Variants in AP2A1 observed in about 807,000 individuals in gnomAD.
AP2A1 encodes the protein adaptor related protein complex 2 subunit alpha 1, also known as AP-2 complex subunit alpha-1.
AP2A1 carries 21 observed loss-of-function variants against 107.3 expected under a neutral mutation model. The ratio of observed to expected loss-of-function variants is 0.20; its 90% confidence interval spans 0.14 to 0.28. The LOEUF is 0.28. Ranked by LOEUF, AP2A1 falls within the 10% of genes least tolerant of loss-of-function variation. AP2A1 has a pLI of 1.00. For synonymous variants in AP2A1, 602 were observed against 564.8 expected (o/e 1.07, Z -0.93); for missense variants, 873 against 1,307.7 (o/e 0.67, Z 5.13).
At chr19:49,802,820 C>A in intron 15 of AP2A1, 129 bp from the exon 16 acceptor site, 3 of 1,179,514 alleles carry the variant, frequency 2.5e-6, no homozygotes, top group Non-Finnish European at 2.4e-6. Context: ...TTCCTCGAGG[C>A]TCTGTGAGGG....
intron 5 of AP2A1, 149 bp from the exon 6 acceptor site, chr19:49,792,842 C>G: frequency 1.4e-6 from 1 of 710,434 alleles, no homozygotes; most frequent in Non-Finnish European, 2.4e-6. Context: ...TCACCCCACC[C>G]CTAAAGCACG....
At position 49,789,955 on chromosome 19, in the gene AP2A1, G is replaced by A. The variant is rs1023510495; in HGVS notation, c.474-1980G>A. Among the ~76,000 whole-genome samples, 6 of 152,294 alleles carry A rather than the reference G, an allele frequency of 3.9e-5. 1 individual carries two copies. The highest frequency in any genetic ancestry group is 3.3e-4 in the Admixed American group (5 of 15,300). On this transcript the variant is annotated intron_variant, in intron 4 of 22. Coordinates refer to ENST00000354293, the MANE Select transcript of AP2A1 (RefSeq NM_130787.3). ...GTGCTAGGAGCTGGGTTATGGTTGG[G>A]GCCTGGAGTCAGCCCTCTGAGATGG...
chr19:49,776,482 G>A (rs1461436388), intron 1 of AP2A1, among the ~76,000 whole-genome samples: 1 of 152,156 alleles, frequency 6.6e-6, no homozygotes, highest in African/African-American at 2.4e-5. Flanking sequence ...GTCCCTGTCT[G>A]CCACCACTCC....
chr19:49,795,829 G>T, intron 7 of AP2A1, 91 bp downstream of exon 7: 1 of 1,007,140 alleles, frequency 9.9e-7, no homozygotes, highest in Non-Finnish European at 1.5e-6. Context: ...TGGGACTGGA[G>T]GGTCTGGGTC....
intron 4 of AP2A1, among the ~76,000 whole-genome samples, chr19:49,789,140 G>A (rs1355699610): frequency 6.6e-6 from 1 of 152,124 alleles, no homozygotes; most frequent in Non-Finnish European, 1.5e-5. Context: ...GACTCGTGCA[G>A]GTCTCCCCTC....
At chr19:49,778,120 A>C (rs531046022) in intron 1 of AP2A1, among the ~76,000 whole-genome samples, 2 of 152,342 alleles carry the variant, frequency 1.3e-5, no homozygotes, top group Non-Finnish European at 2.9e-5. Context: ...TTCAAGTACA[A>C]TTGAGTGAAT....
chr19:49,781,425 G>A (rs142936725), intron 1 of AP2A1, among the ~76,000 whole-genome samples: 145 of 152,228 alleles, frequency 9.5e-4, no homozygotes, highest in African/African-American at 3.2e-3. Context: ...CATGTTCATC[G>A]CATGTGGGGA....
chr19:49,800,190 G>A (rs751157666), intron 11 of AP2A1, 40 bp downstream of exon 11: 2 of 1,566,484 alleles, frequency 1.3e-6, no homozygotes, highest in South Asian at 2.3e-5. Flanking sequence ...CCCACGACAG[G>A]ACCTAGAGGC....
At chr19:49,806,050 G>C (rs2073374084) in intron 21 of AP2A1, 69 bp from the exon 22 acceptor site, 20 of 1,603,720 alleles carry the variant, frequency 1.2e-5, no homozygotes, top group Non-Finnish European at 1.4e-5. Flanking sequence ...GGTTTTTTGG[G>C]ATCTGGGATG....
chr19:49,802,036 C>A lies in AP2A1; in HGVS notation c.2009C>A (p.Ala670Glu). 1 of 1,571,388 alleles carries A rather than the reference C, an allele frequency of 6.4e-7. No individual in the cohort carries two copies. Among genetic ancestry groups the A allele is most frequent in the Admixed American group, 1.8e-5 (1 of 54,854 alleles). ...LLGLRAAPPPAAPPASAGAGN... is the reference protein window; with the variant it reads ...LLGLRAAPPPEAPPASAGAGN... ...GGGCTGCGGGCAGCCCCTCCCCCGG[C>A]AGCACCCCCGGCTTCTGCAGGAGCA... The change falls in exon 15 of 23, where the codon GCA becomes GAA. Residue 670 changes from alanine to glutamate, a missense_variant. By Grantham distance (107) the Ala-to-Glu change is moderately radical (BLOSUM62 -1). Around this residue, in one of 4 missense-constraint regions of AP2A1, gnomAD observed 416 missense variants for 473.4 expected, o/e 0.88. Coordinates refer to ENST00000354293, the MANE Select transcript of AP2A1 (RefSeq NM_130787.3).
chr19:49,782,479 G>A lies in AP2A1; in HGVS notation c.280-52G>A, dbSNP rs562289484. 1.5e-4 allele frequency: 237 copies of A among 1,565,570 alleles called. No homozygotes were observed. In the African/African-American group the frequency reaches 3.0e-3, roughly 20 times the overall value. ...ACTCCTGGGTCTGAGGGTTGGATCT[G>A]GGGCCACTCAGTCACAAGGCTCCTA... On this transcript the variant is annotated intron_variant, in intron 3 of 22. Transcript: ENST00000354293.
intron 11 of AP2A1, 59 bp from the exon 12 acceptor site, chr19:49,800,902 C>T: frequency 1.4e-6 from 2 of 1,449,258 alleles, no homozygotes; most frequent in East Asian, 4.9e-5. Flanking sequence ...GCTGCACCCA[C>T]CGATCCCGGA....
At chr19:49,802,738 G>T (rs1386293985) in intron 15 of AP2A1, 4 of 1,067,636 alleles carry the variant, frequency 3.7e-6, no homozygotes, top group Non-Finnish European at 5.3e-6. Context: ...AGGGAAACTT[G>T]GTGTCTGCCG....
intron 18 of AP2A1, chr19:49,803,757 CTT>C: frequency 9.2e-6 from 3 of 324,922 alleles, no homozygotes; most frequent in South Asian, 8.2e-5. Flanking sequence ...GGCTGAGTCA[CTT>C]TGCCTCTCTG....
chr19:49,772,969 G>A (rs2084580234), intron 1 of AP2A1, among the ~76,000 whole-genome samples: 1 of 151,828 alleles, frequency 6.6e-6, no homozygotes, highest in Admixed American at 6.6e-5. Flanking sequence ...CAGGAGCGAG[G>A]GAAGAGAAGG....
chr19:49,783,915 G>T (rs534925378), intron 4 of AP2A1, among the ~76,000 whole-genome samples: 2 of 152,340 alleles, frequency 1.3e-5, no homozygotes, highest in South Asian at 4.1e-4. Flanking sequence ...CCCTATCTGG[G>T]TAGTCCAAAA....
rs531464148 is a variant in AP2A1 at position 49,806,609 on chromosome 19, T to C, written c.2791-72T>C. 14 of 1,599,612 alleles carry C rather than the reference T, an allele frequency of 8.8e-6. No individual in the cohort carries two copies. In the Admixed American group the frequency reaches 1.5e-4, roughly 18 times the overall value. The stretch of plus-strand genomic sequence containing the variant: ...TGGCCCCTTTATCCTTCCTTCCTTC[T>C]ATCTCCCTTGGGTCCCGACTTCCCT... On this transcript the variant is annotated intron_variant, in intron 22 of 22. Transcript: ENST00000354293.
intron 3 of AP2A1, 111 bp from the exon 4 acceptor site, chr19:49,782,420 G>T (rs2084688458): frequency 4.1e-6 from 5 of 1,232,424 alleles, no homozygotes; most frequent in Non-Finnish European, 5.6e-6. Context: ...TGGGGGCCTG[G>T]ACTCCTGGGT....
intron 18 of AP2A1, chr19:49,803,693 G>A: frequency 2.4e-6 from 1 of 411,968 alleles, no homozygotes; most frequent in Non-Finnish European, 4.6e-6. Flanking sequence ...TGCCAGCACC[G>A]CCTGCACTCA....
Sources: gnomAD v4.1 joint callset for allele counts (sites outside exome capture counted in the v4.1 genomes callset) on GRCh38, gnomAD v4.1.1 for gene constraint, gnomAD v4.1.1 regional missense constraint, MANE v1.5 for transcripts, NCBI Gene and HGNC (gene_info 2026-07-23, HGNC 2026-07-21) for gene names.